Variants in SUPT3H observed in about 807,000 individuals in gnomAD.
The protein encoded by SUPT3H is transcription initiation protein SPT3 homolog.
Under a neutral mutation model 44.3 loss-of-function variants are expected in SUPT3H, and 44 were observed. That is an observed-to-expected ratio of 0.99 (90% CI 0.78 to 1.28). SUPT3H has a LOEUF of 1.28. Among genes scored for constraint, SUPT3H ranks in the 50% most tolerant of loss-of-function variants. The pLI is 0.00. For synonymous variants in SUPT3H, 124 were observed against 125.6 expected, an observed-to-expected ratio of 0.99 and a Z score of 0.09; for missense variants, 380 against 387.1, an observed-to-expected ratio of 0.98 and a Z score of 0.15.
At chr6:45,356,253 G>C (rs1050533378) in intron 2 of SUPT3H, among the ~76,000 whole-genome samples, 4 of 151,396 alleles carry the variant, frequency 2.6e-5, no homozygotes, top group Non-Finnish European at 5.9e-5. Flanking sequence ...GTCCAAAAAA[G>C]ATATATTTGC....
At chr6:44,875,335 A>T (rs1234345721) in intron 10 of SUPT3H, among the ~76,000 whole-genome samples, 1 of 57,694 alleles carries the variant, frequency 1.7e-5, no homozygotes, top group East Asian at 5.2e-4. Flanking sequence ...CAGAGCCCTC[A>T]GAAATAATGC....
intron 2 of SUPT3H, among the ~76,000 whole-genome samples, chr6:45,177,312 G>A (rs1182175289): frequency 6.6e-6 from 1 of 152,112 alleles, no homozygotes. Flanking sequence ...TGGAAGAAAG[G>A]GTATCAGTGA....
At position 45,131,005 on chromosome 6, in the gene SUPT3H, C is replaced by T. The variant is rs545667941; in HGVS notation, c.102-24999G>A. On this transcript the variant is annotated intron_variant, in intron 2 of 10. Coordinates refer to ENST00000371459, the MANE Select transcript of SUPT3H (RefSeq NM_003599.4). ...GTGCTGGGACTACAGGTGTGAGCCA[C>T]CACGCCCAGCCAAGAACACTTTTAA... Among the ~76,000 whole-genome samples the T allele has an allele frequency of 8.5e-5, 13 of 152,094 alleles. No homozygotes were observed. In the East Asian group the frequency reaches 2.5e-3, roughly 30 times the overall value.
intron 6 of SUPT3H, among the ~76,000 whole-genome samples, chr6:44,982,478 G>A (rs141713173): frequency 1.1e-4 from 16 of 152,280 alleles, no homozygotes; most frequent in African/African-American, 3.8e-4. Context: ...GCCTCCTGAA[G>A]CGCTGGGATT....
At chr6:45,204,679 A>G (rs1392662456) in intron 2 of SUPT3H, among the ~76,000 whole-genome samples, 2 of 152,162 alleles carry the variant, frequency 1.3e-5, no homozygotes, top group African/African-American at 2.4e-5. Flanking sequence ...AAATTTCCAA[A>G]TCTTGATGCA....
At chr6:44,809,367 AT>A (rs1199739489) in exon 12 of SUPT3H, 1 of 152,222 alleles carries the variant, frequency 6.6e-6, no homozygotes, top group Admixed American at 6.5e-5. Flanking sequence ...GTTCAAGTAT[AT>A]TGATAGGGTG....
In SUPT3H at chr6:44,858,520, C is replaced by T. The variant is rs78739235; in HGVS notation, c.913-28663G>A. 1.0e-3 allele frequency among the ~76,000 whole-genome samples: 158 copies of T among 152,174 alleles called. 6 individuals carry two copies. In the East Asian group the frequency reaches 0.027, roughly 26 times the overall value. On this transcript the variant is annotated intron_variant, in intron 10 of 10. Transcript: ENST00000371459. ...TTTAGATGAATTCAGATTATATGCT[C>T]GGAGCAAAGGTGAAGTGAAGAGTAA...
intron 10 of SUPT3H, among the ~76,000 whole-genome samples, chr6:44,921,114 A>G (rs1768648031): frequency 6.6e-6 from 1 of 152,254 alleles, no homozygotes; most frequent in African/African-American, 2.4e-5. Flanking sequence ...TCCATACACC[A>G]TACCTCCCTC....
chr6:45,350,375 A>G (rs1303899941), intron 2 of SUPT3H, among the ~76,000 whole-genome samples: 1 of 152,228 alleles, frequency 6.6e-6, no homozygotes, highest in East Asian at 1.9e-4. Context: ...AATAAAATAC[A>G]AGGAATTTGC....
intron 3 of SUPT3H, among the ~76,000 whole-genome samples, chr6:45,044,694 G>A (rs1375233040): frequency 1.3e-5 from 2 of 152,158 alleles, no homozygotes; most frequent in African/African-American, 4.8e-5. Flanking sequence ...GTTACTGGGT[G>A]ATGGAATCAG....
chr6:45,044,372 G>A (rs1285282332), intron 3 of SUPT3H, among the ~76,000 whole-genome samples: 4 of 152,060 alleles, frequency 2.6e-5, no homozygotes, highest in South Asian at 2.1e-4. Flanking sequence ...TCATATCCTC[G>A]GGGAAACCCC....
At chr6:44,997,126 C>T (rs1781375946) in intron 6 of SUPT3H, among the ~76,000 whole-genome samples, 1 of 151,706 alleles carries the variant, frequency 6.6e-6, no homozygotes, top group Non-Finnish European at 1.5e-5. Context: ...TCCTACTCTT[C>T]TTTAATGAAA....
chr6:45,174,412 T>C (rs1366264838), intron 2 of SUPT3H, among the ~76,000 whole-genome samples: 1 of 152,216 alleles, frequency 6.6e-6, no homozygotes, highest in African/African-American at 2.4e-5. Context: ...GGTATTTAAG[T>C]ATATTATTAT....
At chr6:45,262,293 A>C (rs921099147) in intron 2 of SUPT3H, among the ~76,000 whole-genome samples, 3 of 151,218 alleles carry the variant, frequency 2.0e-5, no homozygotes, top group African/African-American at 7.3e-5. Flanking sequence ...AGAAAAGCAT[A>C]TTACTGGCAC....
At chr6:45,136,814 T>G (rs1211914059) in intron 2 of SUPT3H, among the ~76,000 whole-genome samples, 2 of 151,862 alleles carry the variant, frequency 1.3e-5, no homozygotes, top group Non-Finnish European at 2.9e-5. Context: ...GACACACAAG[T>G]GTACCAATGT....
intron 2 of SUPT3H, among the ~76,000 whole-genome samples, chr6:45,350,820 T>C (rs1293078943): frequency 6.6e-6 from 1 of 152,136 alleles, no homozygotes; most frequent in African/African-American, 2.4e-5. Flanking sequence ...GAATGAAGTC[T>C]TTACATTTTC....
chr6:44,853,175 A>C (rs920016263), intron 10 of SUPT3H, among the ~76,000 whole-genome samples: 1 of 152,216 alleles, frequency 6.6e-6, no homozygotes, highest in African/African-American at 2.4e-5. Flanking sequence ...CCTTATAACA[A>C]TGCTATTAGA....
In SUPT3H at chr6:44,837,722, C is replaced by A. The variant is rs1392796643; in HGVS notation, c.913-7865G>T. 2.0e-5 allele frequency among the ~76,000 whole-genome samples: 3 copies of A among 152,176 alleles called. No homozygotes were observed. The East Asian group carries it at 5.8e-4, about 29-fold the overall frequency. ...TTTGCCAGAAAAAGAATATTCAATT[C>A]ATCTAAAACAACACTGTGAAATTAT... On this transcript the variant is annotated intron_variant, in intron 10 of 10. Coordinates refer to ENST00000371459, the MANE Select transcript of SUPT3H (RefSeq NM_003599.4).
intron 4 of SUPT3H, 57 bp downstream of exon 4, chr6:45,020,489 T>A (rs946391737): frequency 3.0e-6 from 4 of 1,328,756 alleles, no homozygotes; most frequent in Non-Finnish European, 4.3e-6. Context: ...AGTTTCCACA[T>A]GCAAGTTCAA....
Sources: gnomAD v4.1 joint callset for allele counts (sites outside exome capture counted in the v4.1 genomes callset) on GRCh38, gnomAD v4.1.1 for gene constraint, MANE v1.5 for transcripts, NCBI Gene and HGNC (gene_info 2026-07-23, HGNC 2026-07-21) for gene names.